MGAT4D: variants seen among roughly 807,000 people sequenced by gnomAD.
The protein encoded by MGAT4D is alpha-1,3-mannosyl-glycoprotein 4-beta-N-acetylglucosaminyltransferase-like protein MGAT4D.
In MGAT4D, 34 loss-of-function variants were observed where a neutral mutation model predicts 15.9. That is an observed-to-expected ratio of 2.14 (90% CI 1.62 to 2.84). The LOEUF is 2.84. Among genes scored for constraint, MGAT4D ranks in the 30% most tolerant of loss-of-function variants. The probability of loss-of-function intolerance (pLI) is 0.00; values close to 1 mark genes in which losing one functional copy is unlikely to be tolerated. For synonymous variants in MGAT4D, 112 were observed against 48.2 expected (o/e 2.33, Z -5.49); for missense variants, 327 against 140.2 (o/e 2.33, Z -6.73).
intron 8 of MGAT4D, chr4:140,457,623 T>C (rs1461600816): frequency 6.6e-6 from 1 of 152,158 alleles, no homozygotes; most frequent in African/African-American, 2.4e-5. Context: ...TTATGATAAC[T>C]AAAAGAAAAA....
chr4:140,497,946 C>T (rs1406020397), intron 1 of MGAT4D, among the ~76,000 whole-genome samples, 183 bp downstream of exon 1: 1 of 152,144 alleles, frequency 6.6e-6, no homozygotes, highest in Non-Finnish European at 1.5e-5. Flanking sequence ...AGCCCAGCCG[C>T]CGCTGACCGG....
intron 1 of MGAT4D, among the ~76,000 whole-genome samples, chr4:140,492,654 A>C (rs1733581062): frequency 6.6e-6 from 1 of 152,104 alleles, no homozygotes; most frequent in African/African-American, 2.4e-5. Flanking sequence ...TTGATTGTTT[A>C]AAGCCACTAG....
rs1365351342 is a variant in MGAT4D at position 140,461,963 on chromosome 4, A to G, written c.728T>C (p.Leu243Pro). 5 of 701,312 alleles carry G rather than the reference A, an allele frequency of 7.1e-6. No individual in the cohort carries two copies. The highest frequency in any genetic ancestry group is 1.3e-5 in the Non-Finnish European group (5 of 384,098). The allele number at this position is 701,312 out of a possible 1,614,324, so 43.4% of individuals were successfully genotyped here. ...ATACTTGGCCTTGGGTTGGGCATAC[A>G]GCAACAAAATGCAAAAATCCAATAC... ...KQVLDFCILL[L>P]YAQPKAKYYL... is the part of the protein sequence containing the mutation. The change falls in exon 7 of 11, where the codon CTG becomes CCG. Residue 243 changes from leucine (L) to proline (P), a missense_variant. Coordinates refer to ENST00000511113, the MANE Select transcript of MGAT4D (RefSeq NM_001277353.2).
chr4:140,472,313 G>A (rs1732018025), intron 4 of MGAT4D, among the ~76,000 whole-genome samples: 2 of 152,026 alleles, frequency 1.3e-5, no homozygotes, highest in Non-Finnish European at 2.9e-5. Context: ...AAACTTTGTG[G>A]ACCTGCTCTT....
chr4:140,468,073 A>G (rs1731665256), intron 5 of MGAT4D, among the ~76,000 whole-genome samples: 1 of 151,908 alleles, frequency 6.6e-6, no homozygotes, highest in Non-Finnish European at 1.5e-5. Context: ...ATTCTATTAT[A>G]ATTTAATAGT....
At chr4:140,492,977 C>G (rs1733601541) in intron 1 of MGAT4D, among the ~76,000 whole-genome samples, 1 of 152,100 alleles carries the variant, frequency 6.6e-6, no homozygotes, top group Admixed American at 6.5e-5. Flanking sequence ...TGAACTTTTT[C>G]AAAAATACAT....
At chr4:140,469,872 TG>T (rs900958266) in intron 5 of MGAT4D, among the ~76,000 whole-genome samples, 6 of 152,264 alleles carry the variant, frequency 3.9e-5, no homozygotes, top group Non-Finnish European at 7.3e-5. Flanking sequence ...CCCTGGACCC[TG>T]GCTGCTCACA....
chr4:140,446,183 A>G (rs1730109996), intron 10 of MGAT4D, among the ~76,000 whole-genome samples: 1 of 152,190 alleles, frequency 6.6e-6, no homozygotes, highest in South Asian at 2.1e-4. Context: ...CTAGCCTCAC[A>G]GAATGACTTA....
intron 4 of MGAT4D, among the ~76,000 whole-genome samples, chr4:140,473,140 C>T (rs1732084145): frequency 6.6e-6 from 1 of 151,072 alleles, no homozygotes; most frequent in Non-Finnish European, 1.5e-5. Flanking sequence ...TATATATTTT[C>T]CCCTCCCTCC....
At chr4:140,483,042 A>T (rs1732850899) in intron 1 of MGAT4D, among the ~76,000 whole-genome samples, 1 of 152,178 alleles carries the variant, frequency 6.6e-6, no homozygotes, top group South Asian at 2.1e-4. Context: ...TCTGATGTCA[A>T]ATCATGTATA....
chr4:140,488,225 A>G (rs1262893978), intron 1 of MGAT4D, among the ~76,000 whole-genome samples: 6 of 152,222 alleles, frequency 3.9e-5, no homozygotes, highest in Admixed American at 2.0e-4. Flanking sequence ...CAACATGGCC[A>G]TGAACGTGAC....
intron 3 of MGAT4D, among the ~76,000 whole-genome samples, chr4:140,476,133 C>T (rs953899737): frequency 2.0e-5 from 3 of 151,996 alleles, no homozygotes; most frequent in Admixed American, 2.0e-4. Context: ...TTTGGCTATT[C>T]TTTTTTGTAA....
At chr4:140,444,611 C>T (rs531366212) in intron 10 of MGAT4D, among the ~76,000 whole-genome samples, 1 of 152,224 alleles carries the variant, frequency 6.6e-6, no homozygotes, top group Non-Finnish European at 1.5e-5. Context: ...TTTCCTTATC[C>T]AGTCTATCGC....
intron 6 of MGAT4D, among the ~76,000 whole-genome samples, chr4:140,464,301 C>T (rs17005968): frequency 0.17 from 26,177 of 152,128 alleles, 2,344 homozygotes; most frequent in South Asian, 0.23. Flanking sequence ...ATACTTACCA[C>T]ACTAATACCC....
intron 10 of MGAT4D, among the ~76,000 whole-genome samples, chr4:140,448,194 C>T (rs1730254987): frequency 6.6e-6 from 1 of 152,106 alleles, no homozygotes; most frequent in Admixed American, 6.6e-5. Flanking sequence ...TGTGGATGAT[C>T]TTCTAATATC....
intron 9 of MGAT4D, 127 bp from the exon 10 acceptor site, chr4:140,451,644 C>G: frequency 2.6e-6 from 1 of 382,112 alleles, no homozygotes; most frequent in Non-Finnish European, 4.6e-6. Context: ...AAAATATAAA[C>G]AAAATATTTA....
At chr4:140,463,679 C>G (rs534303260) in intron 6 of MGAT4D, among the ~76,000 whole-genome samples, 1 of 152,086 alleles carries the variant, frequency 6.6e-6, no homozygotes, top group African/African-American at 2.4e-5. Flanking sequence ...ATAAGTGCTA[C>G]GTGAAGATAT....
chr4:140,486,361 T>C (rs1235107209), intron 1 of MGAT4D, among the ~76,000 whole-genome samples: 1 of 152,176 alleles, frequency 6.6e-6, no homozygotes. Flanking sequence ...TATTATTATT[T>C]TTTTAATTAT....
intron 6 of MGAT4D, among the ~76,000 whole-genome samples, chr4:140,462,265 T>C (rs943790902): frequency 2.6e-5 from 4 of 152,154 alleles, no homozygotes; most frequent in African/African-American, 9.7e-5. Flanking sequence ...TCTATCTAGA[T>C]AAGTTTTGAT....
Sources: gnomAD v4.1 joint callset for allele counts (sites outside exome capture counted in the v4.1 genomes callset) on GRCh38, gnomAD v4.1.1 for gene constraint, MANE v1.5 for transcripts, NCBI Gene and HGNC (gene_info 2026-07-23, HGNC 2026-07-21) for gene names.